The following DCBLD2 variants were observed in gnomAD, a reference collection of about 807,000 sequenced individuals.
The protein encoded by DCBLD2 is discoidin, CUB and LCCL domain-containing protein 2.
DCBLD2 carries 54 observed loss-of-function variants against 86.8 expected under a neutral mutation model. That is an observed-to-expected ratio of 0.62 (90% CI 0.50 to 0.78). The LOEUF (loss-of-function observed/expected upper bound fraction) is 0.78, where lower values mean the gene tolerates loss of function less well. Ranked by LOEUF, DCBLD2 falls within the 30% of genes least tolerant of loss-of-function variation. DCBLD2 has a pLI of 0.00. For synonymous variants in DCBLD2, 354 were observed against 341.3 expected, an observed-to-expected ratio of 1.04 and a Z score of -0.41; for missense variants, 908 against 954.2, an observed-to-expected ratio of 0.95 and a Z score of 0.64.
At chr3:98,860,170 G>A (rs1943015216) in intron 2 of DCBLD2, among the ~76,000 whole-genome samples, 1 of 152,102 alleles carries the variant, frequency 6.6e-6, no homozygotes. Context: ...GAGAAATTTG[G>A]AGAAAAAAGA....
chr3:98,801,732 T>G (rs1941723886), intron 13 of DCBLD2, 83 bp from the exon 14 acceptor site: 1 of 944,608 alleles, frequency 1.1e-6, no homozygotes, highest in Non-Finnish European at 1.6e-6. Flanking sequence ...CAGGCCTTGG[T>G]ATGTGATATT....
At chr3:98,835,938 C>CTTTCTTTTTTT (rs56279917) in intron 3 of DCBLD2, among the ~76,000 whole-genome samples, 3 of 115,070 alleles carry the variant, frequency 2.6e-5, no homozygotes, top group Non-Finnish European at 5.3e-5. Context: ...TCCTTTCTTT[C>CTTTCTTTTTTT]TTTTTTTTTT....
chr3:98,857,656 A>C (rs1160805673), intron 2 of DCBLD2, among the ~76,000 whole-genome samples: 2 of 152,164 alleles, frequency 1.3e-5, no homozygotes, highest in African/African-American at 4.8e-5. Context: ...ACAAACCTTG[A>C]GCTAGATACA....
chr3:98,867,800 G>GTTTTT, intron 2 of DCBLD2, among the ~76,000 whole-genome samples: 1 of 149,030 alleles, frequency 6.7e-6, no homozygotes, highest in African/African-American at 2.5e-5. Flanking sequence ...TGTTTTTGTT[G>GTTTTT]TTTTTTGTTT....
intron 3 of DCBLD2, among the ~76,000 whole-genome samples, chr3:98,841,231 G>A (rs1249054608): frequency 6.6e-6 from 1 of 152,148 alleles, no homozygotes; most frequent in Non-Finnish European, 1.5e-5. Flanking sequence ...ATACAAATGT[G>A]AAGGCAAGCC....
chr3:98,847,750 T>A (rs990533976), intron 3 of DCBLD2, among the ~76,000 whole-genome samples: 1 of 152,188 alleles, frequency 6.6e-6, no homozygotes, highest in African/African-American at 2.4e-5. Flanking sequence ...GTAACTTAAT[T>A]CAATGCTGAA....
chr3:98,892,864 A>G (rs1943686617), intron 1 of DCBLD2, among the ~76,000 whole-genome samples: 1 of 152,184 alleles, frequency 6.6e-6, no homozygotes, highest in South Asian at 2.1e-4. Context: ...ATATCAGGAA[A>G]GAAGAGATAA....
Position 98,901,136 on chromosome 3 carries a change from G to T in DCBLD2, c.191C>A (p.Ala64Asp). The part of the protein sequence containing the change: ...LLVLLLLLED[A>D]GAQQGDGCGH... ...GGACCACTCACCTTGCTGGGCTCCA[G>T]CGTCCTCGAGCAGCAGGAGCAGGAC... The change falls in exon 1 of 16, where the codon GCT becomes GAT. Residue 64 changes from alanine to aspartate, a missense_variant. By Grantham distance (126) the Ala-to-Asp change is moderately radical. This residue lies in a region of DCBLD2 where 294 missense variants were observed against 256.0 expected (regional missense o/e 1.15). Transcript: ENST00000326840. 6.5e-7 allele frequency: 1 copy of T among 1,539,612 alleles called. No homozygotes were observed.
chr3:98,823,704 A>G (rs1458927476), intron 4 of DCBLD2, among the ~76,000 whole-genome samples: 1 of 152,260 alleles, frequency 6.6e-6, no homozygotes, highest in East Asian at 1.9e-4. Flanking sequence ...AATTCAGTAA[A>G]CTTAATGAAT....
intron 3 of DCBLD2, among the ~76,000 whole-genome samples, chr3:98,844,972 G>A (rs923375893): frequency 3.9e-5 from 6 of 152,218 alleles, no homozygotes; most frequent in Non-Finnish European, 8.8e-5. Context: ...GTATAAGGAA[G>A]TATTTAGTGG....
At chr3:98,817,684 A>G in intron 9 of DCBLD2, 85 bp downstream of exon 9, 1 of 1,362,784 alleles carries the variant, frequency 7.3e-7, no homozygotes. Flanking sequence ...AAACTTCTAC[A>G]TCTCTTTTAT....
At chr3:98,895,421 T>C (rs541763459) in intron 1 of DCBLD2, 8 of 152,224 alleles carry the variant, frequency 5.3e-5, no homozygotes, top group African/African-American at 1.7e-4. Flanking sequence ...AAGCAAACAG[T>C]GGAGCATGAC....
chr3:98,814,439 G>C (rs80094818), intron 9 of DCBLD2: 1 of 152,262 alleles, frequency 6.6e-6, no homozygotes, highest in African/African-American at 2.4e-5. Context: ...GTCAACCTAT[G>C]AGCATTTACT....
intron 2 of DCBLD2, among the ~76,000 whole-genome samples, chr3:98,869,939 G>C (rs1274797904): frequency 6.6e-6 from 1 of 152,186 alleles, no homozygotes; most frequent in African/African-American, 2.4e-5. Flanking sequence ...ATAGGATAAT[G>C]TCTTTTGTTT....
At position 98,811,320 on chromosome 3, in the gene DCBLD2, C is replaced by G; in HGVS notation, c.1451-1G>C. Reference sequence around the variant, plus strand: ...GGTTGCGTAAATTTTGGGGCACGACCTTTAAAAAAGTTTCAAAAGCTCTTT... The same window carrying G: ...GGTTGCGTAAATTTTGGGGCACGACGTTTAAAAAAGTTTCAAAAGCTCTTT... On this transcript the variant is annotated splice_acceptor_variant, in intron 11 of 15. Transcript: ENST00000326840. LOFTEE classifies it high-confidence loss of function. 6.2e-7 allele frequency: 1 copy of G among 1,610,194 alleles called. No homozygotes were observed. Among genetic ancestry groups the G allele is most frequent in the Non-Finnish European group, 8.5e-7 (1 of 1,178,736 alleles).
chr3:98,848,110 T>C (rs1347962221), intron 3 of DCBLD2, among the ~76,000 whole-genome samples: 5 of 152,334 alleles, frequency 3.3e-5, no homozygotes, highest in African/African-American at 1.2e-4. Flanking sequence ...TTATTTTTCC[T>C]GATCCTCTCC....
chr3:98,876,774 A>T (rs1943379512), intron 2 of DCBLD2, among the ~76,000 whole-genome samples: 1 of 152,346 alleles, frequency 6.6e-6, no homozygotes. Flanking sequence ...AACCATTCAT[A>T]AAAGAGTGAT....
At chr3:98,889,854 T>C (rs890185629) in intron 1 of DCBLD2, among the ~76,000 whole-genome samples, 1 of 152,056 alleles carries the variant, frequency 6.6e-6, no homozygotes, top group Non-Finnish European at 1.5e-5. Context: ...TAACCTGTAA[T>C]TGTAGTTCTT....
chr3:98,828,041 T>C (rs1442562624), intron 3 of DCBLD2, among the ~76,000 whole-genome samples: 1 of 151,746 alleles, frequency 6.6e-6, no homozygotes, highest in African/African-American at 2.4e-5. Context: ...AACAAATGAA[T>C]TGGACCCGTA....
Sources: allele counts gnomAD v4.1 joint callset (sites outside exome capture counted in the v4.1 genomes callset), GRCh38; gene constraint gnomAD v4.1.1; regional missense constraint gnomAD v4.1.1; transcripts MANE v1.5; gene names NCBI Gene and HGNC (gene_info 2026-07-23, HGNC 2026-07-21).